DPP10: variants seen among roughly 807,000 people sequenced by gnomAD.
DPP10 encodes the protein inactive dipeptidyl peptidase 10.
In DPP10, 33 loss-of-function variants were observed where a neutral mutation model predicts 120.9. The ratio of observed to expected loss-of-function variants is 0.27; its 90% CI spans 0.21 to 0.37. DPP10 has a LOEUF of 0.37. Among genes scored for constraint, DPP10 ranks in the 10% least tolerant of loss-of-function variants. The pLI is 1.00. For synonymous variants in DPP10, 337 were observed against 326.1 expected, an observed-to-expected ratio of 1.03 and a Z score of -0.36; for missense variants, 816 against 942.8, an observed-to-expected ratio of 0.87 and a Z score of 1.76.
At chr2:114,490,113 C>G (rs1427541781) in intron 1 of DPP10, among the ~76,000 whole-genome samples, 1 of 152,160 alleles carries the variant, frequency 6.6e-6, no homozygotes, top group Non-Finnish European at 1.5e-5. Flanking sequence ...AGCAATAGCA[C>G]GGTAGGACCT....
intron 5 of DPP10, among the ~76,000 whole-genome samples, chr2:115,593,463 A>G (rs1291662914): frequency 4.6e-5 from 7 of 152,180 alleles, no homozygotes; most frequent in African/African-American, 9.7e-5. Flanking sequence ...ATAAGTTGCT[A>G]TTATTTTTTT....
At chr2:115,440,073 T>C (rs1248137835) in intron 3 of DPP10, among the ~76,000 whole-genome samples, 2 of 151,986 alleles carry the variant, frequency 1.3e-5, no homozygotes, top group Admixed American at 1.3e-4. Flanking sequence ...TGAACAGCAT[T>C]TTTTTTTCTT....
rs186408254 is a variant in DPP10 at position 114,914,193 on chromosome 2, C to G, written c.61-395046C>G. 3.3e-5 allele frequency among the ~76,000 whole-genome samples: 5 copies of G among 152,232 alleles called. No homozygotes were observed. The East Asian group carries it at 9.7e-4, about 29-fold the overall frequency. ...AATTTTCCCAACCTCACGTGCAAAT[C>G]TAGAAAATTCAGCTAAATTAAATGA... On this transcript the variant is annotated intron_variant, in intron 1 of 25. Transcript: ENST00000410059.
chr2:115,708,637 G>A (rs753079547), intron 7 of DPP10, among the ~76,000 whole-genome samples: 23 of 151,402 alleles, frequency 1.5e-4, no homozygotes, highest in Non-Finnish European at 2.7e-4. Context: ...AGCTTTTTTT[G>A]GGGAAAATTT....
chr2:114,903,478 C>T (rs1468804817), intron 1 of DPP10, among the ~76,000 whole-genome samples: 1 of 152,096 alleles, frequency 6.6e-6, no homozygotes, highest in Non-Finnish European at 1.5e-5. Context: ...TTTGGTCATT[C>T]TAATAGATGT....
At chr2:114,691,930 C>G (rs556733153) in intron 1 of DPP10, among the ~76,000 whole-genome samples, 3 of 149,594 alleles carry the variant, frequency 2.0e-5, no homozygotes, top group Non-Finnish European at 2.9e-5. Flanking sequence ...GTGGTGATAT[C>G]ATTTCTTATC....
chr2:115,602,290 CAG>C (rs1212234056), intron 5 of DPP10, among the ~76,000 whole-genome samples: 4 of 152,088 alleles, frequency 2.6e-5, no homozygotes, highest in African/African-American at 9.7e-5. Context: ...TATACAATGA[CAG>C]AGTTATACAT....
At chr2:114,855,471 G>C (rs967584273) in intron 1 of DPP10, among the ~76,000 whole-genome samples, 10 of 152,148 alleles carry the variant, frequency 6.6e-5, no homozygotes, top group African/African-American at 2.4e-4. Flanking sequence ...GTGGCAGTTC[G>C]AATTATTGTT....
At chr2:114,632,673 C>A (rs928779640) in intron 1 of DPP10, among the ~76,000 whole-genome samples, 16 of 151,730 alleles carry the variant, frequency 1.1e-4, no homozygotes, top group Admixed American at 4.6e-4. Context: ...CCACCATGCC[C>A]AGCTAATTTT....
intron 1 of DPP10, among the ~76,000 whole-genome samples, chr2:115,249,424 G>A (rs145162804): frequency 2.0e-5 from 3 of 152,198 alleles, no homozygotes; most frequent in Non-Finnish European, 4.4e-5. Flanking sequence ...CGTGGTAGAA[G>A]ACACAAGCAA....
intron 1 of DPP10, among the ~76,000 whole-genome samples, chr2:114,667,546 T>C (rs543175301): frequency 3.3e-5 from 5 of 152,294 alleles, no homozygotes; most frequent in Admixed American, 6.5e-5. Flanking sequence ...CAAAACTCAG[T>C]GTTTCTGTTG....
chr2:115,416,405 A>G (rs1270406701), intron 3 of DPP10, among the ~76,000 whole-genome samples: 1 of 152,264 alleles, frequency 6.6e-6, no homozygotes, highest in East Asian at 1.9e-4. Flanking sequence ...TGACTCAGCT[A>G]TAAATTTATA....
intron 3 of DPP10, among the ~76,000 whole-genome samples, chr2:115,475,413 C>T (rs1295246346): frequency 6.6e-6 from 1 of 152,172 alleles, no homozygotes; most frequent in African/African-American, 2.4e-5. Context: ...AGAGCTCCTG[C>T]CTAGATTTCA....
intron 21 of DPP10, among the ~76,000 whole-genome samples, chr2:115,821,021 T>C (rs999412531): frequency 2.0e-5 from 3 of 152,236 alleles, no homozygotes; most frequent in African/African-American, 7.2e-5. Context: ...GTTCTACTTT[T>C]AGTTCTTTAA....
At chr2:115,740,322 A>C (rs1247188625) in intron 9 of DPP10, among the ~76,000 whole-genome samples, 1 of 152,238 alleles carries the variant, frequency 6.6e-6, no homozygotes, top group East Asian at 1.9e-4. Flanking sequence ...ATGATTTCTT[A>C]GAGCACTTAA....
intron 3 of DPP10, among the ~76,000 whole-genome samples, chr2:115,420,774 T>C (rs2069871397): frequency 6.6e-6 from 1 of 152,118 alleles, no homozygotes. Flanking sequence ...AACAACTCTG[T>C]GGCAGCAGGA....
chr2:115,465,487 A>C (rs2074267685), intron 3 of DPP10, among the ~76,000 whole-genome samples: 1 of 152,154 alleles, frequency 6.6e-6, no homozygotes, highest in Non-Finnish European at 1.5e-5. Context: ...CAACTGTGGA[A>C]AATTAAGGAT....
At position 115,765,919 on chromosome 2, in the gene DPP10, G is replaced by A. The variant is rs192000253; in HGVS notation, c.1114-2378G>A. On this transcript the variant is annotated intron_variant, in intron 12 of 25. Coordinates refer to ENST00000410059, the MANE Select transcript of DPP10 (RefSeq NM_020868.6). ...CTTATATTTTCATGAATGTTCATAA[G>A]GCAGTTAAGGAAAATATCCTTATTT... Among the ~76,000 whole-genome samples, 310 of 152,046 alleles carry A rather than the reference G, an allele frequency of 2.0e-3. 3 individuals are homozygous for A. Among genetic ancestry groups the A allele is most frequent in the African/African-American group, 7.1e-3 (295 of 41,464 alleles).
chr2:114,716,605 C>G (rs1341116085), intron 1 of DPP10, among the ~76,000 whole-genome samples: 1 of 152,162 alleles, frequency 6.6e-6, no homozygotes, highest in Non-Finnish European at 1.5e-5. Context: ...TTTGGGTGTT[C>G]TAAGCAACAT....
Sources: allele counts gnomAD v4.1 joint callset (sites outside exome capture counted in the v4.1 genomes callset), GRCh38; gene constraint gnomAD v4.1.1; transcripts MANE v1.5; gene names NCBI Gene and HGNC (gene_info 2026-07-23, HGNC 2026-07-21).